Variants in ASMTL observed in about 807,000 individuals in gnomAD.
ASMTL encodes the protein probable bifunctional dTTP/UTP pyrophosphatase/methyltransferase protein.
Under a neutral mutation model 60.3 loss-of-function variants are expected in ASMTL, and 57 were observed. The ratio of observed to expected loss-of-function variants is 0.95; its 90% CI spans 0.76 to 1.18. ASMTL has a LOEUF of 1.18. ASMTL is among the 50% of genes most tolerant of loss of function. ASMTL has a pLI of 0.00. For missense variants in ASMTL, 981 were observed against 852.6 expected, an observed-to-expected ratio of 1.15 and a Z score of -1.88; for synonymous variants, 419 against 373.0, an observed-to-expected ratio of 1.12 and a Z score of -1.42.
At chrX:1,436,376 A>G (rs1325926512) in intron 3 of ASMTL, among the ~76,000 whole-genome samples, 1 of 149,900 alleles carries the variant, frequency 6.7e-6, no homozygotes, top group Non-Finnish European at 1.5e-5. Flanking sequence ...TTTTTGAGAC[A>G]GAGTCTCGCT....
At position 1,452,837 on chromosome X, in the gene ASMTL, C is replaced by T; in HGVS notation, c.4G>A (p.Val2Met). ...AGCTTCCCAATCACCGGGCACAGCA[C>T]CATGGCGTCCACGCCGGGAGCCGGG... M[V>M]LCPVIGKLLH... is the part of the protein sequence containing the mutation. The change falls in exon 1 of 13, where the codon GTG (valine) becomes ATG (methionine). Residue 2 changes from valine to methionine, a missense_variant. Physicochemically the swap from Val to Met is conservative, Grantham distance 21. Transcript: ENST00000381317. The T allele has an allele frequency of 6.3e-7, 1 of 1,579,424 alleles. No homozygotes were observed. Among genetic ancestry groups the T allele is most frequent in the Non-Finnish European group, 8.5e-7 (1 of 1,171,406 alleles).
intron 1 of ASMTL, among the ~76,000 whole-genome samples, chrX:1,442,935 G>A (rs1180035483): frequency 6.6e-6 from 1 of 152,170 alleles, no homozygotes; most frequent in Non-Finnish European, 1.5e-5. Flanking sequence ...CTGCCAGGGT[G>A]CAGGGAACTC....
intron 1 of ASMTL, among the ~76,000 whole-genome samples, chrX:1,442,691 G>C (rs73621895): frequency 0.042 from 6,423 of 152,224 alleles, 459 homozygotes; most frequent in African/African-American, 0.15. Context: ...AGACCTGAAG[G>C]TTGGGGCAGA....
intron 1 of ASMTL, among the ~76,000 whole-genome samples, chrX:1,447,632 A>G (rs1465303736): frequency 2.6e-5 from 4 of 151,288 alleles, no homozygotes; most frequent in East Asian, 3.9e-4. Flanking sequence ...GATAAGCACC[A>G]CCATCTTGGA....
At chrX:1,419,173 C>G (rs1463151809) in intron 9 of ASMTL, 59 bp from the exon 10 acceptor site, 5 of 1,589,640 alleles carry the variant, frequency 3.1e-6, no homozygotes, top group African/African-American at 1.3e-5. Flanking sequence ...CTCGCCCAGC[C>G]TCTCCCTGGG....
At chrX:1,426,673 C>T (rs1406839011) in intron 7 of ASMTL, among the ~76,000 whole-genome samples, 2 of 152,132 alleles carry the variant, frequency 1.3e-5, no homozygotes, top group South Asian at 2.1e-4. Context: ...GCCAACATAG[C>T]GAAACCCTGT....
chrX:1,416,585 A>ATG (rs2090280564), intron 11 of ASMTL, among the ~76,000 whole-genome samples: 1 of 112,536 alleles, frequency 8.9e-6, no homozygotes, highest in African/African-American at 3.0e-5. Flanking sequence ...GCAGACACAC[A>ATG]GACATACACA....
intron 11 of ASMTL, among the ~76,000 whole-genome samples, chrX:1,417,536 CATGCACACAG>C (rs1179642916): frequency 7.8e-6 from 1 of 128,758 alleles, no homozygotes; most frequent in African/African-American, 2.7e-5. Context: ...CACACACACA[CATGCACACAG>C]ACACACAAGC....
chrX:1,452,082 G>A (rs373169837), intron 1 of ASMTL, among the ~76,000 whole-genome samples: 1 of 143,906 alleles, frequency 6.9e-6, no homozygotes. Flanking sequence ...GGGGGGTCCC[G>A]GGTTACTCTC....
chrX:1,436,346 GTTATTTT>G (rs1458105398), intron 3 of ASMTL, among the ~76,000 whole-genome samples: 1 of 149,730 alleles, frequency 6.7e-6, no homozygotes, highest in African/African-American at 2.5e-5. Flanking sequence ...GCTAATTTTT[GTTATTTT>G]TTATTTATTT....
At chrX:1,422,246 AAGG>A (rs2090501751) in intron 8 of ASMTL, among the ~76,000 whole-genome samples, 3 of 152,124 alleles carry the variant, frequency 2.0e-5, no homozygotes, top group African/African-American at 7.2e-5. Flanking sequence ...GTTTGACTTT[AAGG>A]AGATTAACCC....
chrX:1,415,221 G>GTGAGCCTGGGCACGTGGCCCAGGCA (rs1488706313), intron 11 of ASMTL, among the ~76,000 whole-genome samples: 3 of 138,994 alleles, frequency 2.2e-5, no homozygotes, highest in South Asian at 2.1e-4. Flanking sequence ...GATTCCAGGC[G>GTGAGCCTGGGCACGTGGCCCAGGCA]TCTCCTGTCA....
intron 1 of ASMTL, among the ~76,000 whole-genome samples, chrX:1,444,110 G>C (rs2091181807): frequency 6.6e-6 from 1 of 152,066 alleles, no homozygotes; most frequent in Admixed American, 6.6e-5. Context: ...TCCGACCAGA[G>C]ACAGTCCAAC....
At chrX:1,435,818 T>C in intron 3 of ASMTL, 60 bp from the exon 4 acceptor site, 1 of 1,370,516 alleles carries the variant, frequency 7.3e-7, no homozygotes, top group South Asian at 1.2e-5. Context: ...CCTGTGCAAG[T>C]CCCACGGTCC....
chrX:1,443,935 G>A (rs757460121), intron 1 of ASMTL, among the ~76,000 whole-genome samples: 90 of 152,042 alleles, frequency 5.9e-4, no homozygotes, highest in African/African-American at 2.1e-3. Context: ...AGACACCCCC[G>A]TCTTGGACAG....
intron 11 of ASMTL, among the ~76,000 whole-genome samples, chrX:1,416,647 G>A (rs1179802164): frequency 1.3e-5 from 2 of 151,278 alleles, no homozygotes; most frequent in African/African-American, 4.9e-5. Context: ...ACATATGCAA[G>A]CACACACCAC....
At chrX:1,412,681 C>T (rs1357381520) in intron 12 of ASMTL, 51 bp downstream of exon 12, 1 of 1,612,566 alleles carries the variant, frequency 6.2e-7, no homozygotes, top group South Asian at 1.1e-5. Context: ...AAACTTGAAC[C>T]CAAAATACTA....
At position 1,430,084 on chromosome X, in the gene ASMTL, G is replaced by A. The variant is rs374775597; in HGVS notation, c.510-1963C>T. ...GGCTGGAGTGCAGTGGCGCGATCTCGGCTCACTGCAACCTCCACCTGCTGG... is the reference window on the plus strand; with the variant it reads ...GGCTGGAGTGCAGTGGCGCGATCTCAGCTCACTGCAACCTCCACCTGCTGG... On this transcript the variant is annotated intron_variant, in intron 6 of 12. Coordinates refer to ENST00000381317, the MANE Select transcript of ASMTL (RefSeq NM_004192.4). Among the ~76,000 whole-genome samples, 29 of 151,534 alleles carry A rather than the reference G, an allele frequency of 1.9e-4. No homozygotes were observed. In the East Asian group the frequency reaches 5.1e-3, roughly 27 times the overall value.
chrX:1,441,779 A>T (rs1311524033), intron 2 of ASMTL: 2 of 172,080 alleles, frequency 1.2e-5, no homozygotes, highest in African/African-American at 4.8e-5. Flanking sequence ...ATTCTGTATC[A>T]TCAATGATAC....
Sources: allele counts gnomAD v4.1 joint callset (sites outside exome capture counted in the v4.1 genomes callset), GRCh38; gene constraint gnomAD v4.1.1; transcripts MANE v1.5; gene names NCBI Gene and HGNC (gene_info 2026-07-23, HGNC 2026-07-21).